The following MACROD2 variants were observed in gnomAD, a reference collection of about 807,000 sequenced individuals.
MACROD2 encodes the protein ADP-ribose glycohydrolase MACROD2.
In MACROD2, 36 loss-of-function variants were observed where a neutral mutation model predicts 70.4. That is an observed-to-expected ratio of 0.51 (90% confidence interval 0.39 to 0.68). MACROD2 has a LOEUF of 0.68. Ranked by LOEUF, MACROD2 falls within the 30% of genes least tolerant of loss-of-function variation. The probability of loss-of-function intolerance (pLI) is 0.00; values close to 1 mark genes in which losing one functional copy is unlikely to be tolerated. For missense variants in MACROD2, 496 were observed against 538.4 expected (o/e 0.92, Z 0.78); for synonymous variants, 172 against 178.8 (o/e 0.96, Z 0.30).
intron 5 of MACROD2, among the ~76,000 whole-genome samples, chr20:15,095,799 G>C (rs993978383): frequency 6.6e-6 from 1 of 152,138 alleles, no homozygotes; most frequent in African/African-American, 2.4e-5. Flanking sequence ...TTACAGGCGT[G>C]AGCCACCGTG....
chr20:15,304,896 G>C (rs2077682355), intron 6 of MACROD2, among the ~76,000 whole-genome samples: 1 of 152,194 alleles, frequency 6.6e-6, no homozygotes, highest in Non-Finnish European at 1.5e-5. Flanking sequence ...CATACGGGAG[G>C]CACCCCTCTC....
chr20:15,443,101 T>G (rs1173575380), intron 7 of MACROD2, among the ~76,000 whole-genome samples: 2 of 152,148 alleles, frequency 1.3e-5, no homozygotes, highest in Non-Finnish European at 2.9e-5. Context: ...TTTATTACAT[T>G]CTAATTCTGG....
chr20:14,806,751 G>T (rs1021378371), intron 5 of MACROD2, among the ~76,000 whole-genome samples: 11 of 152,172 alleles, frequency 7.2e-5, no homozygotes, highest in Middle Eastern at 3.4e-3. Context: ...CGAGCTTGGT[G>T]GGGGAGGGGC....
In MACROD2 at chr20:15,431,266, T is replaced by A. The variant is rs894665761; in HGVS notation, c.541-139T>A. 9.8e-6 allele frequency: 6 copies of A among 612,192 alleles called. No individual in the cohort carries two copies. The Admixed American group carries it at 1.2e-4, about 12-fold the overall frequency. The allele number at this position is 612,192 out of a possible 1,614,324, so 37.9% of individuals were successfully genotyped here. A position where few individuals can be genotyped will look rare whatever the true frequency, so the allele number is the denominator to read the frequency against. On this transcript the variant is annotated intron_variant, in intron 6 of 17. Coordinates refer to ENST00000684519, the MANE Select transcript of MACROD2 (RefSeq NM_001351661.2). ...GTTAATCAAATATCCCCATTTCCAG[T>A]GTCCCCTACTCCAACTCATAGCTCT...
At chr20:15,119,894 C>A (rs1420920206) in intron 5 of MACROD2, among the ~76,000 whole-genome samples, 1 of 152,180 alleles carries the variant, frequency 6.6e-6, no homozygotes, top group African/African-American at 2.4e-5. Context: ...AGAAGGTGAC[C>A]ATTGCTGGTA....
intron 4 of MACROD2, chr20:14,636,554 T>G (rs368876383): frequency 3.1e-4 from 47 of 152,212 alleles, no homozygotes; most frequent in African/African-American, 1.1e-3. Context: ...GAAAGCCAAA[T>G]GGGTGCCTGT....
intron 5 of MACROD2, among the ~76,000 whole-genome samples, chr20:14,882,164 G>T (rs1600762624): frequency 6.6e-6 from 1 of 152,126 alleles, no homozygotes; most frequent in African/African-American, 2.4e-5. Flanking sequence ...CCAGGTTTAT[G>T]CCTTGCTTCT....
intron 5 of MACROD2, among the ~76,000 whole-genome samples, chr20:14,862,558 A>AATAT (rs1568841073): frequency 9.2e-5 from 1 of 10,854 alleles, no homozygotes; most frequent in African/African-American, 2.2e-4. Flanking sequence ...TATATATATA[A>AATAT]ATATAAATAT....
At chr20:14,355,592 ATATAT>A (rs1414270659) in intron 3 of MACROD2, among the ~76,000 whole-genome samples, 1 of 152,178 alleles carries the variant, frequency 6.6e-6, no homozygotes. Flanking sequence ...TGACATGGAA[ATATAT>A]TATGTAATTG....
intron 8 of MACROD2, among the ~76,000 whole-genome samples, chr20:15,589,227 C>T (rs571612194): frequency 1.3e-5 from 2 of 152,250 alleles, no homozygotes; most frequent in African/African-American, 4.8e-5. Context: ...GAAAGACTGG[C>T]CCCTATGATT....
chr20:14,193,311 G>A (rs893964079), intron 3 of MACROD2, among the ~76,000 whole-genome samples: 1 of 152,184 alleles, frequency 6.6e-6, no homozygotes, highest in Non-Finnish European at 1.5e-5. Flanking sequence ...TATTGTGGAT[G>A]TATAAACCTA....
intron 5 of MACROD2, among the ~76,000 whole-genome samples, chr20:14,927,448 A>G (rs1340357182): frequency 2.0e-5 from 3 of 152,184 alleles, no homozygotes; most frequent in African/African-American, 4.8e-5. Flanking sequence ...ATTAAAGTCC[A>G]GGGGCCAGAA....
intron 5 of MACROD2, among the ~76,000 whole-genome samples, chr20:14,774,514 G>A (rs1440922328): frequency 6.6e-6 from 1 of 152,072 alleles, no homozygotes; most frequent in East Asian, 1.9e-4. Context: ...CCCCAGCAGA[G>A]CTTTGGCTGT....
chr20:14,021,909 C>G (rs2053087525), intron 2 of MACROD2, among the ~76,000 whole-genome samples: 1 of 151,926 alleles, frequency 6.6e-6, no homozygotes, highest in African/African-American at 2.4e-5. Flanking sequence ...CCCTGGAGAA[C>G]CTTAGGGGGA....
rs1190181513 is a variant in MACROD2 at position 14,372,243 on chromosome 20, CATTT to C, written c.272-121228_272-121225del. Among the ~76,000 whole-genome samples, 35 of 152,012 alleles carry C rather than the reference CATTT, an allele frequency of 2.3e-4. 1 individual carries two copies. The highest frequency in any genetic ancestry group is 2.3e-3 in the Admixed American group (35 of 15,244). ...CTTCAAATAATTTTACTAGAAAAAA[CATTT>C]ATTTATTATATGTATGCAAAATAAG... On this transcript the variant is annotated intron_variant, in intron 3 of 17. Coordinates refer to ENST00000684519, the MANE Select transcript of MACROD2 (RefSeq NM_001351661.2).
At chr20:14,716,039 G>A (rs903947576) in intron 5 of MACROD2, among the ~76,000 whole-genome samples, 2 of 152,086 alleles carry the variant, frequency 1.3e-5, no homozygotes, top group Non-Finnish European at 2.9e-5. Flanking sequence ...TCAGCTCTCT[G>A]AACGCTACAT....
At chr20:15,434,111 C>G (rs535271589) in intron 7 of MACROD2, among the ~76,000 whole-genome samples, 1 of 151,982 alleles carries the variant, frequency 6.6e-6, no homozygotes, top group East Asian at 1.9e-4. Flanking sequence ...CTCTTCTAGA[C>G]ACTGGCTTAG....
At chr20:15,478,063 G>A (rs944914241) in intron 7 of MACROD2, among the ~76,000 whole-genome samples, 1 of 152,204 alleles carries the variant, frequency 6.6e-6, no homozygotes. Flanking sequence ...CATGATTTTT[G>A]CTCAGTAAAA....
intron 5 of MACROD2, among the ~76,000 whole-genome samples, chr20:15,142,120 A>G (rs2076196313): frequency 6.6e-6 from 1 of 152,196 alleles, no homozygotes; most frequent in African/African-American, 2.4e-5. Flanking sequence ...GTACCTGTTA[A>G]TTATAAACTC....
Sources: allele counts gnomAD v4.1 joint callset (sites outside exome capture counted in the v4.1 genomes callset), GRCh38; gene constraint gnomAD v4.1.1; transcripts MANE v1.5; gene names NCBI Gene and HGNC (gene_info 2026-07-23, HGNC 2026-07-21).